Variants in LIN52 observed in about 807,000 individuals in gnomAD.
LIN52 encodes the protein protein lin-52 homolog.
Under a neutral mutation model 18.5 loss-of-function variants are expected in LIN52, and 4 were observed. That is an observed-to-expected ratio of 0.22 (90% confidence interval 0.11 to 0.49). LIN52 has a LOEUF of 0.49. Ranked by LOEUF, LIN52 falls within the 20% of genes least tolerant of loss-of-function variation. The pLI is 0.97. For synonymous variants in LIN52, 34 were observed against 45.5 expected (o/e 0.75, Z 1.02); for missense variants, 102 against 139.5 (o/e 0.73, Z 1.35).
intron 5 of LIN52, among the ~76,000 whole-genome samples, chr14:74,189,659 G>A (rs2061355282): frequency 6.6e-6 from 1 of 152,190 alleles, no homozygotes; most frequent in Non-Finnish European, 1.5e-5. Flanking sequence ...TCACTTGAAT[G>A]CAACATTTTT....
intron 5 of LIN52, among the ~76,000 whole-genome samples, chr14:74,168,439 C>A (rs1196397765): frequency 6.6e-6 from 1 of 152,148 alleles, no homozygotes; most frequent in East Asian, 1.9e-4. Flanking sequence ...GAGGCTGAGG[C>A]AGGTGGATCA....
intron 5 of LIN52, among the ~76,000 whole-genome samples, chr14:74,180,033 C>G (rs1219523926): frequency 6.6e-6 from 1 of 152,142 alleles, no homozygotes; most frequent in Non-Finnish European, 1.5e-5. Flanking sequence ...TGTAGTTGGT[C>G]AAGTACCACA....
chr14:74,109,753 C>T (rs1371231755), intron 5 of LIN52, among the ~76,000 whole-genome samples: 2 of 152,122 alleles, frequency 1.3e-5, no homozygotes, highest in African/African-American at 2.4e-5. Context: ...TTTCAGTTTG[C>T]TCATTGCTAC....
intron 5 of LIN52, among the ~76,000 whole-genome samples, chr14:74,192,373 C>T (rs2078883194): frequency 6.6e-6 from 1 of 152,086 alleles, no homozygotes; most frequent in South Asian, 2.1e-4. Context: ...GCAACCTCTG[C>T]CTCCTGGGTT....
intron 5 of LIN52, among the ~76,000 whole-genome samples, chr14:74,119,172 T>C (rs1595161937): frequency 6.7e-6 from 1 of 148,686 alleles, no homozygotes; most frequent in East Asian, 2.0e-4. Context: ...TTTTTTTTTT[T>C]TTTTTTTGAG....
In LIN52 at chr14:74,094,302, C is replaced by T. The variant is rs147575116; in HGVS notation, c.95-1646C>T. On this transcript the variant is annotated intron_variant, in intron 2 of 5. Coordinates refer to ENST00000555028, the MANE Select transcript of LIN52 (RefSeq NM_001024674.3). ...TTGAGCAAGGGTCTCACTCTGTCAC[C>T]CAGGCTTTGTGCAGTGGCGTGATCA... Among the ~76,000 whole-genome samples, 10 of 151,780 alleles carry T rather than the reference C, an allele frequency of 6.6e-5. No homozygotes were observed. In the East Asian group the frequency reaches 1.7e-3, roughly 26 times the overall value.
At chr14:74,160,830 G>A (rs1595179800) in intron 5 of LIN52, among the ~76,000 whole-genome samples, 2 of 152,312 alleles carry the variant, frequency 1.3e-5, no homozygotes, top group South Asian at 2.1e-4. Context: ...TTCAATTCAT[G>A]AGACTCATAT....
chr14:74,151,065 C>T (rs546636521), intron 5 of LIN52, among the ~76,000 whole-genome samples: 4 of 152,140 alleles, frequency 2.6e-5, no homozygotes, highest in African/African-American at 9.6e-5. Flanking sequence ...AATTTTTATA[C>T]CCAGAGAGTC....
intron 5 of LIN52, among the ~76,000 whole-genome samples, chr14:74,176,291 T>C (rs1446659733): frequency 2.6e-5 from 4 of 152,152 alleles, no homozygotes; most frequent in Non-Finnish European, 5.9e-5. Context: ...TTTCTATTTT[T>C]AGTAGAGACG....
intron 5 of LIN52, among the ~76,000 whole-genome samples, chr14:74,166,488 C>T (rs2061250503): frequency 6.6e-6 from 1 of 152,224 alleles, no homozygotes; most frequent in Non-Finnish European, 1.5e-5. Flanking sequence ...GCTGGGATTA[C>T]AGGCATGAGC....
At chr14:74,186,830 G>T (rs970198694) in intron 5 of LIN52, among the ~76,000 whole-genome samples, 1 of 152,224 alleles carries the variant, frequency 6.6e-6, no homozygotes, top group Non-Finnish European at 1.5e-5. Context: ...TGTAATCCCA[G>T]TACTTTGGGA....
chr14:74,194,258 T>G lies in LIN52; in HGVS notation c.284-4664T>G, dbSNP rs571413019. Among the ~76,000 whole-genome samples, 5 of 152,302 alleles carry G rather than the reference T, an allele frequency of 3.3e-5. No individual in the cohort carries two copies. In the South Asian group the frequency reaches 1.0e-3, roughly 32 times the overall value. Reference sequence around the variant, plus strand: ...AATCAATCTGTACCACTGAATCTTTTTCAACCAGCCACCAGAAAAATTTAC... The same window carrying G: ...AATCAATCTGTACCACTGAATCTTTGTCAACCAGCCACCAGAAAAATTTAC... On this transcript the variant is annotated intron_variant, in intron 5 of 5. Transcript: ENST00000555028.
intron 5 of LIN52, among the ~76,000 whole-genome samples, chr14:74,115,385 A>T (rs577424773): frequency 1.3e-5 from 2 of 152,198 alleles, no homozygotes; most frequent in South Asian, 4.1e-4. Context: ...CTATCTGTTG[A>T]TGAGGGCTGG....
intron 5 of LIN52, among the ~76,000 whole-genome samples, chr14:74,167,354 C>T (rs768831245): frequency 6.6e-6 from 1 of 151,904 alleles, no homozygotes; most frequent in Non-Finnish European, 1.5e-5. Flanking sequence ...TTTTCATAAC[C>T]CCTCTGGGTT....
intron 5 of LIN52, among the ~76,000 whole-genome samples, chr14:74,117,514 A>G (rs1315681450): frequency 6.6e-6 from 1 of 152,020 alleles, no homozygotes; most frequent in East Asian, 1.9e-4. Flanking sequence ...TTTTTGTATA[A>G]CAAAGAGGTG....
intron 5 of LIN52, among the ~76,000 whole-genome samples, chr14:74,163,637 A>C (rs1309402170): frequency 6.6e-6 from 1 of 152,148 alleles, no homozygotes; most frequent in Admixed American, 6.6e-5. Flanking sequence ...AATTTTTTTA[A>C]AAAATATAAG....
At chr14:74,110,630 A>G (rs539962617) in intron 5 of LIN52, among the ~76,000 whole-genome samples, 12 of 151,534 alleles carry the variant, frequency 7.9e-5, no homozygotes, top group Non-Finnish European at 1.2e-4. Flanking sequence ...AGATTATGCC[A>G]CTGCACTCCA....
intron 5 of LIN52, among the ~76,000 whole-genome samples, chr14:74,121,746 C>T (rs1452560634): frequency 1.4e-5 from 2 of 142,694 alleles, no homozygotes; most frequent in Admixed American, 7.1e-5. Context: ...TTTTTTAAGA[C>T]GGAGTCTCAC....
rs562373792 is a variant in LIN52 at position 74,159,862 on chromosome 14, G to A, written c.284-39060G>A. Among the ~76,000 whole-genome samples, 217 of 152,262 alleles carry A rather than the reference G, an allele frequency of 1.4e-3. 1 individual carries two copies. Among genetic ancestry groups the A allele is most frequent in the African/African-American group, 4.8e-3 (199 of 41,554 alleles). On this transcript the variant is annotated intron_variant, in intron 5 of 5. Transcript: ENST00000555028. Reference sequence around the variant, plus strand: ...GCTGTGACTACAGGTGTGAATCACCGTGCCCTGCCTACAGCTGTCTTTATG... The same window carrying A: ...GCTGTGACTACAGGTGTGAATCACCATGCCCTGCCTACAGCTGTCTTTATG...
Sources: gnomAD v4.1 joint callset for allele counts (sites outside exome capture counted in the v4.1 genomes callset) on GRCh38, gnomAD v4.1.1 for gene constraint, MANE v1.5 for transcripts, NCBI Gene and HGNC (gene_info 2026-07-23, HGNC 2026-07-21) for gene names.